The following GRID1 variants were observed in gnomAD, a reference collection of about 807,000 sequenced individuals.
GRID1 encodes glutamate receptor ionotropic, delta-1.
In GRID1, 28 loss-of-function variants were observed where a neutral mutation model predicts 98.0. The observed-to-expected ratio is 0.29, with a 90% confidence interval of 0.21 to 0.39. GRID1 has a LOEUF of 0.39. GRID1 is among the 10% of genes least tolerant of loss of function. The probability of loss-of-function intolerance (pLI) is 1.00; values close to 1 mark genes in which losing one functional copy is unlikely to be tolerated. For synonymous variants in GRID1, 553 were observed against 538.5 expected (o/e 1.03, Z -0.37); for missense variants, 1,111 against 1,340.5 (o/e 0.83, Z 2.67).
At chr10:86,221,923 C>T (rs971160886) in intron 2 of GRID1, among the ~76,000 whole-genome samples, 83 of 151,034 alleles carry the variant, frequency 5.5e-4, no homozygotes, top group Admixed American at 1.6e-3. Context: ...CCTCCTCACC[C>T]GGAAGGAACA....
At chr10:85,865,584 A>G (rs1381733948) in intron 6 of GRID1, among the ~76,000 whole-genome samples, 1 of 152,146 alleles carries the variant, frequency 6.6e-6, no homozygotes, top group Non-Finnish European at 1.5e-5. Flanking sequence ...TTTCATCAAG[A>G]CAAAGTTAAT....
chr10:85,971,412 C>G (rs1385181479), intron 4 of GRID1, among the ~76,000 whole-genome samples: 2 of 151,960 alleles, frequency 1.3e-5, no homozygotes, highest in African/African-American at 4.8e-5. Context: ...ATACAAATGA[C>G]AAGGTATTCA....
chr10:86,163,450 A>C (rs1845352498), intron 3 of GRID1, among the ~76,000 whole-genome samples: 1 of 147,862 alleles, frequency 6.8e-6, no homozygotes, highest in South Asian at 2.1e-4. Flanking sequence ...TCTAGGGTCC[A>C]TGTGCACAAT....
chr10:86,210,448 A>G (rs1846092230), intron 2 of GRID1, among the ~76,000 whole-genome samples: 1 of 152,244 alleles, frequency 6.6e-6, no homozygotes, highest in African/African-American at 2.4e-5. Flanking sequence ...GCACTGACTT[A>G]GGACGCTGAT....
chr10:85,751,198 C>T (rs1346255019), intron 8 of GRID1, among the ~76,000 whole-genome samples: 2 of 152,160 alleles, frequency 1.3e-5, no homozygotes, highest in African/African-American at 2.4e-5. Context: ...GCCAGAATTT[C>T]GAAGGCACCT....
At chr10:85,741,775 C>T (rs118096008) in intron 8 of GRID1, among the ~76,000 whole-genome samples, 2 of 152,208 alleles carry the variant, frequency 1.3e-5, no homozygotes, top group East Asian at 3.9e-4. Context: ...AGACCTGATC[C>T]ATGTCTGCCT....
chr10:86,154,200 C>T (rs939601128), intron 3 of GRID1, among the ~76,000 whole-genome samples: 18 of 152,310 alleles, frequency 1.2e-4, no homozygotes, highest in African/African-American at 3.6e-4. Flanking sequence ...GTCCTTCCTG[C>T]CAGGAACGCT....
intron 3 of GRID1, among the ~76,000 whole-genome samples, chr10:86,201,347 A>C (rs1845947741): frequency 6.6e-6 from 1 of 152,250 alleles, no homozygotes; most frequent in Non-Finnish European, 1.5e-5. Flanking sequence ...GTCGCAAACC[A>C]ACCATGGGTC....
At chr10:86,306,387 A>G (rs746424513) in intron 2 of GRID1, among the ~76,000 whole-genome samples, 3 of 152,176 alleles carry the variant, frequency 2.0e-5, no homozygotes, top group Non-Finnish European at 2.9e-5. Flanking sequence ...ACATTCCCCA[A>G]TAGCTTCCTC....
At chr10:85,921,450 G>A (rs1344375896) in intron 4 of GRID1, among the ~76,000 whole-genome samples, 2 of 152,224 alleles carry the variant, frequency 1.3e-5, no homozygotes, top group African/African-American at 2.4e-5. Flanking sequence ...TGAGTTGTAA[G>A]TGACACAGGA....
chr10:86,050,343 T>C (rs1228749257), intron 4 of GRID1, among the ~76,000 whole-genome samples: 2 of 152,236 alleles, frequency 1.3e-5, no homozygotes, highest in East Asian at 3.8e-4. Context: ...ATTAAATTAA[T>C]AAATAATTTT....
intron 3 of GRID1, among the ~76,000 whole-genome samples, chr10:86,172,501 A>C (rs1167556333): frequency 6.6e-6 from 1 of 152,154 alleles, no homozygotes; most frequent in Non-Finnish European, 1.5e-5. Flanking sequence ...CCCACACTTA[A>C]GCCTCTATAA....
intron 3 of GRID1, among the ~76,000 whole-genome samples, chr10:86,183,497 T>A (rs942831493): frequency 6.6e-6 from 1 of 152,124 alleles, no homozygotes; most frequent in Non-Finnish European, 1.5e-5. Context: ...GTAGCTAGGA[T>A]TACAGGCATG....
chr10:85,754,693 C>T (rs1344440968), intron 8 of GRID1, among the ~76,000 whole-genome samples: 2 of 152,026 alleles, frequency 1.3e-5, no homozygotes, highest in South Asian at 2.1e-4. Context: ...CCTTGACTTA[C>T]ATCCAGTGGG....
intron 2 of GRID1, among the ~76,000 whole-genome samples, chr10:86,305,655 G>A (rs1847750041): frequency 6.6e-6 from 1 of 152,112 alleles, no homozygotes; most frequent in Non-Finnish European, 1.5e-5. Flanking sequence ...TAGGAGGAGT[G>A]GCAGCATTAT....
At chr10:86,173,210 ATTGTTTT>A (rs1458634811) in intron 3 of GRID1, among the ~76,000 whole-genome samples, 1 of 151,924 alleles carries the variant, frequency 6.6e-6, no homozygotes, top group African/African-American at 2.4e-5. Flanking sequence ...GCTAATTTTT[ATTGTTTT>A]TTGTAGACAC....
Position 85,724,551 on chromosome 10 carries a change from G to A in GRID1, c.1659C>T (p.Ser553=). The change falls in exon 11 of 16, where the codon AGC becomes AGT. Residue 553 remains serine, a synonymous_variant. Transcript: ENST00000327946. ...ILIKKPEEKI[S]IFSLFAPFDF... is the part of the protein sequence containing the mutation. ...CAAATGGAGCAAAGAGGGAGAAGATGCTGATTTTCTCCTCGGGCTTCTTAA... is the reference window on the plus strand; with the variant it reads ...CAAATGGAGCAAAGAGGGAGAAGATACTGATTTTCTCCTCGGGCTTCTTAA... The A allele has an allele frequency of 1.2e-6, 2 of 1,613,690 alleles. No homozygotes were observed. Among genetic ancestry groups the A allele is most frequent in the Non-Finnish European group, 1.7e-6 (2 of 1,179,938 alleles).
At chr10:85,685,028 G>A (rs1841253105) in intron 12 of GRID1, among the ~76,000 whole-genome samples, 1 of 152,202 alleles carries the variant, frequency 6.6e-6, no homozygotes, top group South Asian at 2.1e-4. Context: ...GTTTTGGGGA[G>A]AGATGTAATT....
At chr10:86,074,927 AT>A (rs1843859415) in intron 4 of GRID1, among the ~76,000 whole-genome samples, 1 of 152,244 alleles carries the variant, frequency 6.6e-6, no homozygotes, top group Admixed American at 6.5e-5. Context: ...TGCTGAATGA[AT>A]GAACAAATGA....
Sources: gnomAD v4.1 joint callset for allele counts (sites outside exome capture counted in the v4.1 genomes callset) on GRCh38, gnomAD v4.1.1 for gene constraint, MANE v1.5 for transcripts, NCBI Gene and HGNC (gene_info 2026-07-23, HGNC 2026-07-21) for gene names.